Variants in RIC3 observed in about 807,000 individuals in gnomAD.
The protein encoded by RIC3 is RIC3 acetylcholine receptor chaperone, also known as protein RIC-3.
In RIC3, 28 loss-of-function variants were observed where a neutral mutation model predicts 27.3. The observed-to-expected ratio is 1.02, with a 90% CI of 0.76 to 1.41. The LOEUF (loss-of-function observed/expected upper bound fraction) is 1.41. RIC3 is among the 40% of genes most tolerant of loss of function. The pLI is 0.00. For missense variants in RIC3, 501 were observed against 444.7 expected (o/e 1.13, Z -1.14); for synonymous variants, 184 against 160.4 (o/e 1.15, Z -1.11).
chr11:8,138,260 A>G lies in RIC3; in HGVS notation c.427+12T>C, dbSNP rs1421228456. 1 of 1,585,376 alleles carries G rather than the reference A, an allele frequency of 6.3e-7. No homozygotes were observed. The highest frequency in any genetic ancestry group is 8.7e-7 in the Non-Finnish European group (1 of 1,153,868). On this transcript the variant is annotated intron_variant, in intron 3 of 5. Transcript: ENST00000309737. ...AATAATACCTGTGAATATACTGAGA[A>G]GGGGCACTTACTAATTTTCCTGTGG...
chr11:8,139,997 A>G lies in RIC3; in HGVS notation c.321T>C (p.Ile107=), dbSNP rs1283241327. 10 of 1,614,012 alleles carry G rather than the reference A, an allele frequency of 6.2e-6. No homozygotes were observed. Among genetic ancestry groups the G allele is most frequent in the Non-Finnish European group, 8.5e-6 (10 of 1,180,038 alleles). The change falls in exon 2 of 6, where the codon ATT becomes ATC. Residue 107 remains isoleucine (I), a synonymous_variant. Transcript: ENST00000309737. ...GQIIPIYGFG[I]FLYILYILFK... is the part of the protein sequence containing the mutation. ...ATAGAATGTACAGTATATATAAAAA[A>G]ATCCCAAAACCGTAGATTGGAATAA...
chr11:8,157,436 T>G (rs550206283), intron 1 of RIC3, among the ~76,000 whole-genome samples: 1 of 152,328 alleles, frequency 6.6e-6, no homozygotes, highest in South Asian at 2.1e-4. Context: ...ATAATGACTT[T>G]TTCTAACAGT....
At chr11:8,131,198 C>G (rs2133738230) in intron 4 of RIC3, among the ~76,000 whole-genome samples, 1 of 152,240 alleles carries the variant, frequency 6.6e-6, no homozygotes, top group Middle Eastern at 3.4e-3. Flanking sequence ...GTGCTAAGCT[C>G]TACAGCTAAG....
At chr11:8,096,560 T>G in the RIC3 span, 5 of 713,796 alleles carry the variant, frequency 7.0e-6, no homozygotes, top group East Asian at 2.5e-5. Flanking sequence ...TGGCTAAGAG[T>G]GTGTGCATAA....
At chr11:8,147,607 C>T (rs1226379384) in intron 1 of RIC3, among the ~76,000 whole-genome samples, 1 of 152,006 alleles carries the variant, frequency 6.6e-6, no homozygotes, top group Non-Finnish European at 1.5e-5. Context: ...TGAAGTTATG[C>T]CAGAGTCAGG....
At chr11:8,104,874 C>G (rs565161187), downstream of RIC3, 4 of 150,696 alleles carry the variant, frequency 2.7e-5, no homozygotes, top group South Asian at 8.5e-4. Context: ...AGAGAACTTT[C>G]GGAGCCTGCC....
chr11:8,106,439 C>A lies in RIC3; in HGVS notation c.*4259G>T, dbSNP rs1944666126. 1 of 152,194 alleles carries A rather than the reference C, an allele frequency of 6.6e-6. No homozygotes were observed. Among genetic ancestry groups the A allele is most frequent in the Admixed American group, 6.5e-5 (1 of 15,284 alleles). The allele number at this position is 152,194 out of a possible 1,614,324, so 9.4% of individuals were successfully genotyped here. On this transcript the variant is annotated 3_prime_UTR_variant, in exon 6 of 6. Transcript: ENST00000309737. ...GCCTGTGCCTTTCAAGTTTAAGGTT[C>A]ATCAGAACCACACCCAGAGGCTGGA...
intron 4 of RIC3, among the ~76,000 whole-genome samples, chr11:8,132,446 C>G (rs922635131): frequency 6.6e-6 from 1 of 152,132 alleles, no homozygotes; most frequent in Non-Finnish European, 1.5e-5. Flanking sequence ...GGACAGAAAT[C>G]AGGACACCTC....
In RIC3 at chr11:8,168,918, G is replaced by A. The variant is rs1004047956; in HGVS notation, c.72C>T (p.Pro24=). The A allele has an allele frequency of 1.2e-5, 19 of 1,612,074 alleles. No homozygotes were observed. The highest frequency in any genetic ancestry group is 5.4e-5 in the African/African-American group (4 of 74,704). ...GLVLALSLLL[P]KAFLSRGKRQ... ...GCTTCCCGCGGGACAGGAAGGCCTTGGGCAGCAGCAGCGACAGAGCCAGGA... is the reference window on the plus strand; with the variant it reads ...GCTTCCCGCGGGACAGGAAGGCCTTAGGCAGCAGCAGCGACAGAGCCAGGA... Residue 24 remains proline (P), a synonymous_variant, in exon 1 of 6, where the codon CCC becomes CCT. Transcript: ENST00000309737.
chr11:8,158,917 G>A (rs1471136369), intron 1 of RIC3, among the ~76,000 whole-genome samples: 2 of 148,822 alleles, frequency 1.3e-5, no homozygotes, highest in Non-Finnish European at 3.0e-5. Context: ...ATTTTTAGTA[G>A]AGACGGCGTT....
intron 4 of RIC3, chr11:8,135,603 T>A (rs926660815): frequency 1.3e-5 from 2 of 152,180 alleles, no homozygotes; most frequent in African/African-American, 4.8e-5. Context: ...TATTGATTCT[T>A]CCTATCCATG....
the RIC3 span, chr11:8,095,346 G>A: frequency 2.8e-6 from 2 of 715,202 alleles, no homozygotes; most frequent in Non-Finnish European, 2.3e-6. Flanking sequence ...TAACAGGCTG[G>A]TGCAATCATT....
At chr11:8,167,640 TAAA>T (rs34530108) in intron 1 of RIC3, among the ~76,000 whole-genome samples, 5 of 134,120 alleles carry the variant, frequency 3.7e-5, no homozygotes, top group Non-Finnish European at 3.1e-5. Context: ...TAATGGAAAG[TAAA>T]AAAAAAAAAA....
At chr11:8,101,900 T>G, downstream of RIC3, 1 of 435,320 alleles carries the variant, frequency 2.3e-6, no homozygotes, top group East Asian at 4.1e-5. Context: ...TAGTAGTGTG[T>G]TGTAGTCGTA....
In RIC3 at chr11:8,150,039, G is replaced by T. The variant is rs889141175; in HGVS notation, c.125-9846C>A. Among the ~76,000 whole-genome samples the T allele has an allele frequency of 2.6e-5, 4 of 152,158 alleles. No homozygotes were observed. In the South Asian group the frequency reaches 8.3e-4, roughly 31 times the overall value. On this transcript the variant is annotated intron_variant, in intron 1 of 5. Coordinates refer to ENST00000309737, the MANE Select transcript of RIC3 (RefSeq NM_001206671.4). ...CTGACCACGCTATTACTGCCATTTT[G>T]TGTGTATAAGACCCATGAAGGACGT...
intron 1 of RIC3, among the ~76,000 whole-genome samples, chr11:8,158,021 A>G (rs1414869573): frequency 6.6e-6 from 1 of 151,468 alleles, no homozygotes; most frequent in African/African-American, 2.4e-5. Flanking sequence ...CTGATGCTTC[A>G]TTAGGGAAAA....
chr11:8,106,039 C>G (rs1010015384), downstream of RIC3: 2 of 151,768 alleles, frequency 1.3e-5, no homozygotes, highest in Non-Finnish European at 3.0e-5. Context: ...TCAAGATTAT[C>G]TGGCGTTTTA....
chr11:8,112,289 C>A (rs989528944), intron 5 of RIC3, among the ~76,000 whole-genome samples: 25 of 135,240 alleles, frequency 1.8e-4, no homozygotes, highest in African/African-American at 6.7e-4. Context: ...CTTTTCTTTT[C>A]TTTTCTTTTT....
chr11:8,130,599 C>T (rs1947573193), intron 4 of RIC3, among the ~76,000 whole-genome samples: 1 of 152,104 alleles, frequency 6.6e-6, no homozygotes, highest in South Asian at 2.1e-4. Context: ...CTTAACTTGC[C>T]CCCACTTTTC....
Sources: gnomAD v4.1 joint callset for allele counts (sites outside exome capture counted in the v4.1 genomes callset) on GRCh38, gnomAD v4.1.1 for gene constraint, MANE v1.5 for transcripts, NCBI Gene and HGNC (gene_info 2026-07-23, HGNC 2026-07-21) for gene names.